VAV2: variants seen among roughly 807,000 people sequenced by gnomAD.
VAV2 encodes the protein guanine nucleotide exchange factor VAV2.
Under a neutral mutation model 132.5 loss-of-function variants are expected in VAV2, and 67 were observed. The ratio of observed to expected loss-of-function variants is 0.51; its 90% CI spans 0.42 to 0.62. VAV2 has a LOEUF of 0.62. Ranked by LOEUF, VAV2 falls within the 20% of genes least tolerant of loss-of-function variation. The pLI, the probability that VAV2 is intolerant of heterozygous loss-of-function variation, is 0.00. For synonymous variants in VAV2, 492 were observed against 443.5 expected, an observed-to-expected ratio of 1.11 and a Z score of -1.37; for missense variants, 938 against 1,153.6, an observed-to-expected ratio of 0.81 and a Z score of 2.71.
intron 9 of VAV2, among the ~76,000 whole-genome samples, chr9:133,800,120 G>C (rs577876076): frequency 1.3e-5 from 2 of 152,330 alleles, no homozygotes; most frequent in African/African-American, 4.8e-5. Flanking sequence ...AACAGTCACC[G>C]ACCCCAAAGC....
At chr9:133,781,844 C>A (rs1304289690) in intron 19 of VAV2, among the ~76,000 whole-genome samples, 1 of 152,220 alleles carries the variant, frequency 6.6e-6, no homozygotes, top group Non-Finnish European at 1.5e-5. Context: ...CAGGGCGCTG[C>A]CAGGACATGG....
Position 133,809,024 on chromosome 9 carries a change from C to T in VAV2, c.666+16G>A, listed in dbSNP as rs150542031. 325 of 1,609,812 alleles carry T rather than the reference C, an allele frequency of 2.0e-4. 2 individuals carry two copies. The East Asian group carries it at 6.6e-3, about 33-fold the overall frequency. On this transcript the variant is annotated intron_variant, in intron 7 of 29. Coordinates refer to ENST00000371850, the MANE Select transcript of VAV2 (RefSeq NM_001134398.2). Reference sequence around the variant, plus strand: ...GTGGCCGCTGCCATTTTCCAGTGGCCGCCATCTGCCCTCACCTTCTCAATG... The same window carrying T: ...GTGGCCGCTGCCATTTTCCAGTGGCTGCCATCTGCCCTCACCTTCTCAATG...
chr9:133,960,111 C>T (rs535468745), intron 1 of VAV2, among the ~76,000 whole-genome samples: 19 of 152,320 alleles, frequency 1.2e-4, no homozygotes, highest in African/African-American at 3.8e-4. Flanking sequence ...CCGGGGCTAC[C>T]GCTCATTGTT....
At chr9:133,770,633 A>G in intron 26 of VAV2, 132 bp from the exon 27 acceptor site, 1 of 1,361,812 alleles carries the variant, frequency 7.3e-7, no homozygotes, top group Non-Finnish European at 9.9e-7. Flanking sequence ...AGAACTCCCC[A>G]CATCCCGCCA....
Position 133,992,015 on chromosome 9 carries a change from C to T in VAV2, c.204+60G>A. ...GCCGCTGCGACCTCCGCGTTCAGTC[C>T]GCGCGTCGGGCAGCGCGAACGCCGC... On this transcript the variant is annotated intron_variant, in intron 1 of 29. Transcript: ENST00000371850. The surrounding 1 kb of genome is among the most constrained non-coding windows in gnomAD (Gnocchi z 5.5). 1 of 1,381,154 alleles carries T rather than the reference C, an allele frequency of 7.2e-7. No individual in the cohort carries two copies. The highest frequency in any genetic ancestry group is 9.5e-7 in the Non-Finnish European group (1 of 1,055,524). The allele number at this position is 1,381,154 out of a possible 1,614,324, so 85.6% of individuals were successfully genotyped here.
At chr9:133,874,239 C>T (rs1016771876) in intron 2 of VAV2, among the ~76,000 whole-genome samples, 2 of 152,242 alleles carry the variant, frequency 1.3e-5, no homozygotes, top group Non-Finnish European at 2.9e-5. Context: ...AAACCTGTCC[C>T]AGCAAGACTG....
rs762751424 is a variant in VAV2 at position 133,812,231 on chromosome 9, G to A, written c.450-15C>T. On this transcript the variant is annotated splice_polypyrimidine_tract_variant and intron_variant, in intron 4 of 29. Transcript: ENST00000371850. ...GGTCATGCTCGCTGCACAGGAGGAG[G>A]CGGGTTAGAGGGGAGGGGAGGCTCC... The A allele has an allele frequency of 6.2e-7, 1 of 1,612,768 alleles. No homozygotes were observed. Among genetic ancestry groups the A allele is most frequent in the Non-Finnish European group, 8.5e-7 (1 of 1,179,386 alleles).
In VAV2 at chr9:133,926,808, T is replaced by G. The variant is rs931004932; in HGVS notation, c.321+12295A>C. Among the ~76,000 whole-genome samples the G allele has an allele frequency of 2.6e-5, 4 of 152,192 alleles. No homozygotes were observed. The highest frequency in any genetic ancestry group is 5.9e-5 in the Non-Finnish European group (4 of 68,036). On this transcript the variant is annotated intron_variant, in intron 2 of 29. Transcript: ENST00000371850. The surrounding 1 kb of genome is among the most constrained non-coding windows in gnomAD (Gnocchi z 4.3). ...CCTGTCTTCCCAGGCTCCGATCATC[T>G]GAGGCTGCATGTCCTGGCACCAGCT...
intron 4 of VAV2, 95 bp from the exon 5 acceptor site, chr9:133,812,311 G>T: frequency 8.0e-7 from 1 of 1,252,796 alleles, no homozygotes; most frequent in Non-Finnish European, 1.2e-6. Context: ...GACGCAGGCG[G>T]CTGGGGCCAC....
chr9:133,785,817 T>C lies in VAV2; in HGVS notation c.1491A>G (p.Glu497=). The C allele has an allele frequency of 1.2e-6, 2 of 1,614,094 alleles. No homozygotes were observed. The highest frequency in any genetic ancestry group is 1.3e-5 in the African/African-American group (1 of 75,054). The change falls in exon 17 of 30, where the codon GAA becomes GAG. Residue 497 remains glutamate, a synonymous_variant. Coordinates refer to ENST00000371850, the MANE Select transcript of VAV2 (RefSeq NM_001134398.2). ...GCTCCATCCACTTCCTCTTCATATC[T>C]TCTGTTTTGCAGAAAAACTGGAAGC... is the stretch of plus-strand genomic sequence containing the variant. The part of the protein sequence containing the change: ...KQGFQFFCKT[E]DMKRKWMEQF...
At chr9:133,907,565 A>G (rs2810501) in intron 2 of VAV2, among the ~76,000 whole-genome samples, 136,971 of 152,252 alleles carry the variant, frequency 0.9, 62,599 homozygotes, top group Non-Finnish European at 0.98. Context: ...ACCACGTTGG[A>G]AAGCCCCCTG....
chr9:133,965,982 C>T (rs1022807084), intron 1 of VAV2, among the ~76,000 whole-genome samples: 3 of 152,170 alleles, frequency 2.0e-5, no homozygotes, highest in African/African-American at 7.2e-5. Flanking sequence ...TGAATCCACA[C>T]ATTTACAGTC....
At chr9:133,872,065 A>T (rs7022082) in intron 2 of VAV2, among the ~76,000 whole-genome samples, 24,558 of 152,210 alleles carry the variant, frequency 0.16, 2,463 homozygotes, top group African/African-American at 0.29. Context: ...ACTGGCACAG[A>T]GGGCAGACCT....
chr9:133,904,512 C>T (rs901646352), intron 2 of VAV2, among the ~76,000 whole-genome samples: 8 of 152,266 alleles, frequency 5.3e-5, no homozygotes, highest in African/African-American at 1.4e-4. Flanking sequence ...GGCAAATGCA[C>T]TTGCAGGAAA....
chr9:133,815,284 A>G (rs1209347041), intron 4 of VAV2, among the ~76,000 whole-genome samples: 1 of 152,074 alleles, frequency 6.6e-6, no homozygotes, highest in African/African-American at 2.4e-5. Context: ...GCTGCGTCTG[A>G]AGCTTGGTGA....
At chr9:133,944,720 C>T (rs866264688) in intron 1 of VAV2, among the ~76,000 whole-genome samples, 2 of 152,252 alleles carry the variant, frequency 1.3e-5, no homozygotes, top group East Asian at 1.9e-4. Flanking sequence ...AGTCCTGTCT[C>T]GCCAAGGACG....
chr9:133,911,980 G>A (rs1427489825), intron 2 of VAV2, among the ~76,000 whole-genome samples: 5 of 152,208 alleles, frequency 3.3e-5, no homozygotes, highest in African/African-American at 9.7e-5. Context: ...ATGTGCAGGT[G>A]TGTTCCATAG....
At chr9:133,913,320 A>C (rs112956070) in intron 2 of VAV2, among the ~76,000 whole-genome samples, 3 of 152,346 alleles carry the variant, frequency 2.0e-5, no homozygotes, top group African/African-American at 7.2e-5. Flanking sequence ...ACGAAAGGTA[A>C]GACAGGAAGG....
intron 4 of VAV2, 125 bp from the exon 5 acceptor site, chr9:133,812,341 G>A (rs768758506): frequency 6.1e-5 from 52 of 853,832 alleles, no homozygotes; most frequent in Non-Finnish European, 9.0e-5. Context: ...ACCTGCCCGG[G>A]CCTCAGTCTA....
Sources: gnomAD v4.1 joint callset for allele counts (sites outside exome capture counted in the v4.1 genomes callset) on GRCh38, gnomAD v4.1.1 for gene constraint, Gnocchi (gnomAD v3.1) non-coding constraint, MANE v1.5 for transcripts, NCBI Gene and HGNC (gene_info 2026-07-23, HGNC 2026-07-21) for gene names.